The following NCOA2 variants were observed in gnomAD, a reference collection of about 807,000 sequenced individuals.
The protein encoded by NCOA2 is class E basic helix-loop-helix protein 75.
Under a neutral mutation model 145.1 loss-of-function variants are expected in NCOA2, and 21 were observed. The observed-to-expected ratio is 0.14, with a 90% confidence interval of 0.10 to 0.21. The LOEUF (loss-of-function observed/expected upper bound fraction) is 0.21, where lower values mean the gene tolerates loss of function less well. Ranked by LOEUF, NCOA2 falls within the 10% of genes least tolerant of loss-of-function variation. NCOA2 has a pLI of 1.00. For synonymous variants in NCOA2, 619 were observed against 637.5 expected (o/e 0.97, Z 0.44); for missense variants, 1,472 against 1,837.6 (o/e 0.80, Z 3.64).
rs749453360 is a variant in NCOA2 at position 70,141,178 on chromosome 8, C to G, written c.3028+6G>C. The stretch of plus-strand genomic sequence containing the variant: ...TTAAAAGCAAACAGCACTAGAGCCA[C>G]CTTACCTATATTCATGACCTGAGAC... On this transcript the variant is annotated splice_donor_region_variant and intron_variant, in intron 14 of 22. Transcript: ENST00000452400. 1 of 1,612,840 alleles carries G rather than the reference C, an allele frequency of 6.2e-7. No homozygotes were observed. The highest frequency in any genetic ancestry group is 8.5e-7 in the Non-Finnish European group (1 of 1,179,410).
chr8:70,125,748 T>G (rs1808340321), intron 19 of NCOA2, among the ~76,000 whole-genome samples: 1 of 152,168 alleles, frequency 6.6e-6, no homozygotes, highest in African/African-American at 2.4e-5. Flanking sequence ...TTTAGGGCTA[T>G]CCAATATTAG....
chr8:70,248,463 T>A (rs1158490172), intron 2 of NCOA2, among the ~76,000 whole-genome samples: 5 of 152,178 alleles, frequency 3.3e-5, no homozygotes, highest in African/African-American at 1.2e-4. Flanking sequence ...GAACTTTAAA[T>A]AAATGAAATC....
chr8:70,221,042 A>G (rs548788404), intron 2 of NCOA2, among the ~76,000 whole-genome samples: 74 of 152,330 alleles, frequency 4.9e-4, no homozygotes, highest in Middle Eastern at 6.8e-3. Flanking sequence ...TCTCTTATGA[A>G]TGTCTACTTG....
chr8:70,334,444 C>T (rs964494555), intron 1 of NCOA2, among the ~76,000 whole-genome samples: 1 of 152,164 alleles, frequency 6.6e-6, no homozygotes, highest in African/African-American at 2.4e-5. Context: ...CAAAGTTCCG[C>T]TCCTACTTCT....
intron 22 of NCOA2, among the ~76,000 whole-genome samples, chr8:70,115,099 C>A (rs1806939176): frequency 1.3e-5 from 2 of 152,182 alleles, no homozygotes; most frequent in South Asian, 4.1e-4. Flanking sequence ...GAAAAACCCT[C>A]AATTTTCCAG....
At chr8:70,330,215 T>C (rs1806968832) in intron 1 of NCOA2, among the ~76,000 whole-genome samples, 1 of 141,352 alleles carries the variant, frequency 7.1e-6, no homozygotes, top group Non-Finnish European at 1.5e-5. Flanking sequence ...ATGATGATGA[T>C]AATGATGATG....
chr8:70,259,291 G>A (rs1823911878), intron 2 of NCOA2, among the ~76,000 whole-genome samples: 1 of 152,034 alleles, frequency 6.6e-6, no homozygotes, highest in African/African-American at 2.4e-5. Context: ...GCCTGTATCA[G>A]GAAATAAGGA....
chr8:70,289,343 G>C (rs1291088311), intron 2 of NCOA2, among the ~76,000 whole-genome samples: 1 of 152,164 alleles, frequency 6.6e-6, no homozygotes, highest in Admixed American at 6.5e-5. Flanking sequence ...TGACACAGCT[G>C]TTTCTTTTAA....
chr8:70,405,889 GAA>G (rs1814768588), upstream of NCOA2, among the ~76,000 whole-genome samples: 1 of 151,996 alleles, frequency 6.6e-6, no homozygotes, highest in African/African-American at 2.4e-5. Flanking sequence ...TTTCTTACAA[GAA>G]ATAAACAAAA....
chr8:70,343,742 C>T (rs1486222589), intron 1 of NCOA2, among the ~76,000 whole-genome samples: 3 of 150,702 alleles, frequency 2.0e-5, no homozygotes, highest in Non-Finnish European at 4.4e-5. Context: ...ACCCGGGAGG[C>T]AGAGGTTGCA....
intron 4 of NCOA2, among the ~76,000 whole-genome samples, chr8:70,208,322 A>C (rs1818677819): frequency 6.6e-6 from 1 of 152,216 alleles, no homozygotes; most frequent in South Asian, 2.1e-4. Flanking sequence ...AAAAGTTTAA[A>C]GCTAGCAAAG....
At chr8:70,395,446 T>G (rs1813567151) in intron 1 of NCOA2, among the ~76,000 whole-genome samples, 1 of 152,186 alleles carries the variant, frequency 6.6e-6, no homozygotes, top group African/African-American at 2.4e-5. Flanking sequence ...TTCTGTAATT[T>G]CCAGAAATGC....
the NCOA2 span, among the ~76,000 whole-genome samples, chr8:70,418,801 A>G: frequency 6.6e-6 from 1 of 152,232 alleles, no homozygotes; most frequent in Non-Finnish European, 1.5e-5. Flanking sequence ...TAACACTGAA[A>G]TAGTAGTTAA....
chr8:70,381,591 T>C (rs1295222041), intron 1 of NCOA2, among the ~76,000 whole-genome samples: 1 of 152,226 alleles, frequency 6.6e-6, no homozygotes, highest in African/African-American at 2.4e-5. Flanking sequence ...TTGGGATTGT[T>C]GTAGTGACAC....
intron 4 of NCOA2, among the ~76,000 whole-genome samples, chr8:70,198,627 T>C (rs921682372): frequency 6.6e-6 from 1 of 151,714 alleles, no homozygotes; most frequent in Non-Finnish European, 1.5e-5. Flanking sequence ...AAAATAAACA[T>C]GGGAAAAAAG....
chr8:70,343,826 T>C (rs1003651045), intron 1 of NCOA2, among the ~76,000 whole-genome samples: 22 of 147,608 alleles, frequency 1.5e-4, no homozygotes, highest in African/African-American at 5.5e-4. Context: ...AAAAAAAAAG[T>C]GAAAGAGAAG....
chr8:70,276,297 A>C (rs989993706), intron 2 of NCOA2, among the ~76,000 whole-genome samples: 1 of 152,204 alleles, frequency 6.6e-6, no homozygotes, highest in African/African-American at 2.4e-5. Context: ...AATCCTCCAG[A>C]TTCCAAGATG....
In NCOA2 at chr8:70,159,621, G is replaced by A. The variant is rs760119915; in HGVS notation, c.1008C>T (p.Ile336=). 6.2e-6 allele frequency: 10 copies of A among 1,612,664 alleles called. No individual in the cohort carries two copies. In the Admixed American group the frequency reaches 1.5e-4, roughly 24 times the overall value. ...TGCCATCAGACAAGGAAAAACGATA[G>A]ATTTGACTGAATGCCAATCCTTGTC... ...VLRQGLAFSQ[I]YRFSLSDGTL... Residue 336 remains isoleucine (I), a synonymous_variant, in exon 10 of 23, where the codon ATC becomes ATT. Transcript: ENST00000452400.
the NCOA2 span, among the ~76,000 whole-genome samples, chr8:70,408,839 C>A: frequency 2.7e-5 from 4 of 146,250 alleles, no homozygotes; most frequent in African/African-American, 7.7e-5. Flanking sequence ...CTTACCCAGG[C>A]TGATCTTGAA....
Sources: gnomAD v4.1 joint callset for allele counts (sites outside exome capture counted in the v4.1 genomes callset) on GRCh38, gnomAD v4.1.1 for gene constraint, MANE v1.5 for transcripts, NCBI Gene and HGNC (gene_info 2026-07-23, HGNC 2026-07-21) for gene names.